LMNB1: variants seen among roughly 807,000 people sequenced by gnomAD.
The protein encoded by LMNB1 is lamin B1, also known as lamin-B1.
A neutral mutation model predicts 67.1 loss-of-function variants in LMNB1; 23 were observed. That is an observed-to-expected ratio of 0.34 (90% CI 0.25 to 0.49). The LOEUF is 0.49. LMNB1 is among the 20% of genes least tolerant of loss of function. The probability of loss-of-function intolerance (pLI) is 0.99; values close to 1 mark genes in which losing one functional copy is unlikely to be tolerated. For missense variants in LMNB1, 634 were observed against 746.5 expected, an observed-to-expected ratio of 0.85 and a Z score of 1.76; for synonymous variants, 281 against 282.9, an observed-to-expected ratio of 0.99 and a Z score of 0.07.
intron 7 of LMNB1, 32 bp from the exon 8 acceptor site, chr5:126,822,749 G>C: frequency 1.5e-6 from 2 of 1,311,096 alleles, no homozygotes; most frequent in Non-Finnish European, 2.2e-6. Context: ...TATCTTTGAA[G>C]TAACACCCCT....
At chr5:126,833,361 C>T (rs1180232686) in intron 10 of LMNB1, among the ~76,000 whole-genome samples, 1 of 152,078 alleles carries the variant, frequency 6.6e-6, no homozygotes, top group Admixed American at 6.6e-5. Flanking sequence ...AACTAATGAG[C>T]CTTCAGTTTA....
intron 1 of LMNB1, among the ~76,000 whole-genome samples, chr5:126,789,138 C>T (rs963713270): frequency 5.9e-5 from 9 of 152,074 alleles, no homozygotes; most frequent in African/African-American, 2.2e-4. Flanking sequence ...CCGCCTGCCT[C>T]GGCCTCTCAA....
At chr5:126,822,961 A>G (rs1751907001) in intron 8 of LMNB1, 76 bp downstream of exon 8, 4 of 885,550 alleles carry the variant, frequency 4.5e-6, no homozygotes, top group African/African-American at 3.4e-5. Context: ...TTTTTTGGCT[A>G]AAAGAGAAGC....
chr5:126,821,048 T>G lies in LMNB1; in HGVS notation c.1299T>G (p.Ser433=), dbSNP rs1751856248. 1 of 1,613,924 alleles carries G rather than the reference T, an allele frequency of 6.2e-7. No homozygotes were observed. The highest frequency in any genetic ancestry group is 1.3e-5 in the African/African-American group (1 of 74,912). The change falls in exon 7 of 11, where the codon TCT becomes TCG. Residue 433 remains serine (S), a synonymous_variant. Coordinates refer to ENST00000261366, the MANE Select transcript of LMNB1 (RefSeq NM_005573.4). The part of the protein sequence containing the change: ...ESEASSSVSI[S]HSASATGNVC... ...AGGCGAGTAGTAGTGTTAGCATCTC[T>G]CATTCCGCCTCAGCCACTGGAAATG... is the stretch of plus-strand genomic sequence containing the variant.
intron 1 of LMNB1, among the ~76,000 whole-genome samples, chr5:126,782,358 T>C (rs1360797343): frequency 3.3e-5 from 5 of 152,156 alleles, no homozygotes; most frequent in African/African-American, 2.4e-5. Context: ...GGTTTATAGA[T>C]AGAGTTAGGG....
chr5:126,795,949 T>TTTTTTTTTTTTTTTTTG (rs1751079121), intron 1 of LMNB1, among the ~76,000 whole-genome samples: 1 of 145,206 alleles, frequency 6.9e-6, no homozygotes, highest in African/African-American at 2.5e-5. Context: ...TTTTTTTTTT[T>TTTTTTTTTTTTTTTTTG]GAGACGGAGT....
At chr5:126,812,939 C>T (rs1197574297) in intron 5 of LMNB1, among the ~76,000 whole-genome samples, 1 of 152,028 alleles carries the variant, frequency 6.6e-6, no homozygotes, top group Non-Finnish European at 1.5e-5. Flanking sequence ...CCGTGTTAGC[C>T]AGGATGGTCT....
intron 5 of LMNB1, among the ~76,000 whole-genome samples, chr5:126,812,938 C>G (rs980118200): frequency 6.6e-6 from 1 of 152,006 alleles, no homozygotes; most frequent in Non-Finnish European, 1.5e-5. Flanking sequence ...ACCGTGTTAG[C>G]CAGGATGGTC....
At chr5:126,830,410 T>G (rs977116788) in intron 9 of LMNB1, among the ~76,000 whole-genome samples, 1 of 152,236 alleles carries the variant, frequency 6.6e-6, no homozygotes, top group African/African-American at 2.4e-5. Flanking sequence ...TAATAACAAT[T>G]TCCTTGATCT....
At chr5:126,801,074 C>G (rs1397156864) in intron 1 of LMNB1, among the ~76,000 whole-genome samples, 2 of 142,078 alleles carry the variant, frequency 1.4e-5, no homozygotes, top group Non-Finnish European at 3.0e-5. Context: ...GCCTCGACCT[C>G]CTGGGATCAA....
chr5:126,821,972 T>C (rs972305723), intron 7 of LMNB1, among the ~76,000 whole-genome samples: 1 of 152,038 alleles, frequency 6.6e-6, no homozygotes, highest in African/African-American at 2.4e-5. Flanking sequence ...CACCAACAGT[T>C]TTAATGCTAA....
intron 1 of LMNB1, among the ~76,000 whole-genome samples, chr5:126,795,130 C>T (rs376161082): frequency 1.6e-5 from 2 of 128,938 alleles, no homozygotes. Flanking sequence ...ATTCCTTTTC[C>T]TTTTTTTTTT....
intron 1 of LMNB1, among the ~76,000 whole-genome samples, chr5:126,795,720 G>A (rs1751070902): frequency 6.6e-6 from 1 of 151,376 alleles, no homozygotes; most frequent in Admixed American, 6.6e-5. Context: ...GCCCCCCCGG[G>A]TTCAAGCGAT....
At chr5:126,819,492 T>TTATC (rs1751808221) in intron 6 of LMNB1, among the ~76,000 whole-genome samples, 1 of 147,098 alleles carries the variant, frequency 6.8e-6, no homozygotes, top group Admixed American at 6.8e-5. Context: ...ATTTATTTAT[T>TTATC]TATTTATTTA....
At chr5:126,818,496 C>T (rs1387504688) in intron 5 of LMNB1, among the ~76,000 whole-genome samples, 1 of 152,170 alleles carries the variant, frequency 6.6e-6, no homozygotes, top group Admixed American at 6.5e-5. Context: ...CCTGCCCCGG[C>T]CTCCCAAAGT....
At chr5:126,813,562 A>G (rs1176572137) in intron 5 of LMNB1, among the ~76,000 whole-genome samples, 1 of 152,206 alleles carries the variant, frequency 6.6e-6, no homozygotes, top group East Asian at 1.9e-4. Flanking sequence ...GCTTATAAAC[A>G]ACAGATATGT....
intron 7 of LMNB1, 81 bp from the exon 8 acceptor site, chr5:126,822,700 T>C: frequency 1.2e-6 from 1 of 821,348 alleles, no homozygotes; most frequent in Non-Finnish European, 2.0e-6. Flanking sequence ...TTTAACTGCC[T>C]GTATGGATTA....
chr5:126,777,795 C>G lies in LMNB1; in HGVS notation c.287C>G (p.Thr96Arg). The G allele has an allele frequency of 6.7e-7, 1 of 1,498,810 alleles. No homozygotes were observed. Among genetic ancestry groups the G allele is most frequent in the Non-Finnish European group, 8.9e-7 (1 of 1,121,380 alleles). The allele number at this position is 1,498,810 out of a possible 1,614,324, so 92.8% of individuals were successfully genotyped here. A position where few individuals can be genotyped will look rare whatever the true frequency, so the allele number is the denominator to read the frequency against. Residue 96 changes from threonine to arginine, a missense_variant, in exon 1 of 11, where the codon ACG (threonine) becomes AGG (arginine). By Grantham distance (71) the Thr-to-Arg change is moderately conservative. Transcript: ENST00000261366. ...GACGCGCGACGCGCGCTCGACGACA[C>G]GGCCCGCGAGCGCGCCAAGCTGCAG... ...LADARRALDDTARERAKLQIE... is the reference protein window; with the variant it reads ...LADARRALDDRARERAKLQIE...
At position 126,811,855 on chromosome 5, in the gene LMNB1, G is replaced by T. The variant is rs746656679; in HGVS notation, c.896G>T (p.Arg299Ile). The T allele has an allele frequency of 6.2e-7, 1 of 1,612,768 alleles. No individual in the cohort carries two copies. Among genetic ancestry groups the T allele is most frequent in the Non-Finnish European group, 8.5e-7 (1 of 1,178,890 alleles). Residue 299 changes from arginine (R) to isoleucine (I), a missense_variant, in exon 5 of 11, where the codon AGA (arginine) becomes ATA (isoleucine). By Grantham distance (97) the Arg-to-Ile change is moderately conservative. Transcript: ENST00000261366. ...GAAGAACTGATGGAAAGCCGCATGA[G>T]AATTGAGAGCCTTTCATCCCAGCTT... ...AREELMESRM[R>I]IESLSSQLSN...
Sources: allele counts gnomAD v4.1 joint callset (sites outside exome capture counted in the v4.1 genomes callset), GRCh38; gene constraint gnomAD v4.1.1; transcripts MANE v1.5; gene names NCBI Gene and HGNC (gene_info 2026-07-23, HGNC 2026-07-21).